RPP30: variants seen among roughly 807,000 people sequenced by gnomAD.
The protein encoded by RPP30 is ribonuclease P protein subunit p30.
RPP30 carries 36 observed loss-of-function variants against 38.6 expected under a neutral mutation model. The ratio of observed to expected loss-of-function variants is 0.93; its 90% confidence interval spans 0.71 to 1.23. The LOEUF (loss-of-function observed/expected upper bound fraction) is 1.23, where lower values mean the gene tolerates loss of function less well. RPP30 is among the 50% of genes most tolerant of loss of function. The pLI is 0.00. For missense variants in RPP30, 321 were observed against 321.7 expected (o/e 1.00, Z 0.02); for synonymous variants, 126 against 112.7 (o/e 1.12, Z -0.75).
At chr10:90,894,640 T>C (rs567103167) in intron 6 of RPP30, 135 bp from the exon 7 acceptor site, 1 of 697,402 alleles carries the variant, frequency 1.4e-6, no homozygotes, top group South Asian at 1.6e-5. Context: ...TGTTGATCTG[T>C]CTTTCATAAA....
intron 4 of RPP30, among the ~76,000 whole-genome samples, chr10:90,878,200 C>A (rs1846876232): frequency 6.6e-6 from 1 of 152,174 alleles, no homozygotes; most frequent in Non-Finnish European, 1.5e-5. Flanking sequence ...CTGGCTATTT[C>A]TAAGACCTGG....
At chr10:90,872,170 C>T (rs1846786343) in intron 1 of RPP30, 102 bp downstream of exon 1, 1 of 1,009,840 alleles carries the variant, frequency 9.9e-7, no homozygotes, top group Non-Finnish European at 1.6e-6. Flanking sequence ...TCAGGTCTCC[C>T]AGAGTCTCTG....
chr10:90,902,221 TTTC>T (rs1448061030), downstream of RPP30: 127 of 773,640 alleles, frequency 1.6e-4, no homozygotes, highest in Middle Eastern at 1.2e-3. Flanking sequence ...TTATTCTTTT[TTTC>T]TTCTTCTTTT....
intron 1 of RPP30, among the ~76,000 whole-genome samples, chr10:90,873,755 C>T (rs1162520756): frequency 2.0e-5 from 3 of 151,848 alleles, no homozygotes; most frequent in Non-Finnish European, 2.9e-5. Flanking sequence ...GGAGGTGTGG[C>T]TGGTTGATTT....
chr10:90,899,345 G>A (rs1021748113), intron 10 of RPP30, among the ~76,000 whole-genome samples: 10 of 152,300 alleles, frequency 6.6e-5, no homozygotes, highest in African/African-American at 2.4e-4. Flanking sequence ...GATTTACTAA[G>A]TTAATCTTGA....
At chr10:90,906,291 C>T (rs372591054), downstream of RPP30, among the ~76,000 whole-genome samples, 20 of 152,170 alleles carry the variant, frequency 1.3e-4, no homozygotes, top group East Asian at 3.3e-3. Flanking sequence ...GATGTGATGG[C>T]GTGGAGTGGG....
At chr10:90,903,111 G>A, downstream of RPP30, 1 of 757,996 alleles carries the variant, frequency 1.3e-6, no homozygotes, top group Non-Finnish European at 2.4e-6. Flanking sequence ...ATATGAGAAG[G>A]ATAACAAATT....
chr10:90,906,097 C>G (rs182523481), downstream of RPP30: 142 of 152,286 alleles, frequency 9.3e-4, 1 homozygote, highest in African/African-American at 3.2e-3. Context: ...CTTTGTTACT[C>G]ATTTCTGTAT....
chr10:90,872,232 C>A, intron 1 of RPP30, 164 bp downstream of exon 1: 1 of 634,744 alleles, frequency 1.6e-6, no homozygotes, highest in Admixed American at 2.8e-5. Context: ...ATTCCTAGCG[C>A]GGGAAACTCG....
intron 10 of RPP30, among the ~76,000 whole-genome samples, chr10:90,899,398 G>A (rs976720421): frequency 2.6e-5 from 4 of 152,140 alleles, no homozygotes; most frequent in South Asian, 2.1e-4. Flanking sequence ...TTGACTTTAC[G>A]TTTATTACTT....
At chr10:90,891,099 G>A (rs779239544) in intron 6 of RPP30, among the ~76,000 whole-genome samples, 18 of 152,160 alleles carry the variant, frequency 1.2e-4, no homozygotes, top group Non-Finnish European at 2.1e-4. Context: ...TTACAAATAC[G>A]TTTACTGATT....
intron 10 of RPP30, among the ~76,000 whole-genome samples, chr10:90,897,965 A>G (rs1471222333): frequency 6.6e-6 from 1 of 152,198 alleles, no homozygotes; most frequent in Non-Finnish European, 1.5e-5. Context: ...TTATTTTTAA[A>G]TATACAATTA....
intron 6 of RPP30, among the ~76,000 whole-genome samples, chr10:90,891,708 C>A (rs1279027347): frequency 6.6e-6 from 1 of 152,154 alleles, no homozygotes; most frequent in Non-Finnish European, 1.5e-5. Context: ...ATGCAGCAGA[C>A]TACCTTTTGG....
chr10:90,876,448 C>A, intron 4 of RPP30, among the ~76,000 whole-genome samples: 1 of 152,060 alleles, frequency 6.6e-6, no homozygotes, highest in East Asian at 1.9e-4. Context: ...AAGCACTGAA[C>A]AAATAATAAT....
intron 5 of RPP30, among the ~76,000 whole-genome samples, chr10:90,881,056 TA>T (rs961249126): frequency 1.3e-5 from 2 of 152,236 alleles, no homozygotes; most frequent in Non-Finnish European, 2.9e-5. Flanking sequence ...TGATTTAGAA[TA>T]AAAGTTGCAG....
intron 5 of RPP30, among the ~76,000 whole-genome samples, chr10:90,881,881 C>T (rs1031209995): frequency 1.3e-5 from 2 of 152,140 alleles, no homozygotes; most frequent in Non-Finnish European, 2.9e-5. Flanking sequence ...CACACACAGA[C>T]AGACACATGT....
chr10:90,903,147 AC>A, downstream of RPP30: 1 of 1,058,944 alleles, frequency 9.4e-7, no homozygotes, highest in Non-Finnish European at 1.5e-6. Flanking sequence ...AAAACTCTGC[AC>A]TTGGATTGCT....
chr10:90,905,081 T>C (rs1297668188), downstream of RPP30, among the ~76,000 whole-genome samples: 1 of 152,194 alleles, frequency 6.6e-6, no homozygotes, highest in Non-Finnish European at 1.5e-5. Flanking sequence ...AAAACAAAGT[T>C]TGATTGATTT....
intron 10 of RPP30, among the ~76,000 whole-genome samples, chr10:90,899,220 G>A (rs1165376103): frequency 6.6e-6 from 1 of 152,124 alleles, no homozygotes; most frequent in Non-Finnish European, 1.5e-5. Flanking sequence ...TTGGTGAAAT[G>A]GAAATCATTG....
Sources: gnomAD v4.1 joint callset for allele counts (sites outside exome capture counted in the v4.1 genomes callset) on GRCh38, gnomAD v4.1.1 for gene constraint, MANE v1.5 for transcripts, NCBI Gene and HGNC (gene_info 2026-07-23, HGNC 2026-07-21) for gene names.